The following MADCAM1 variants were observed in gnomAD, a reference collection of about 807,000 sequenced individuals.
MADCAM1 encodes mucosal vascular addressin cell adhesion molecule 1, also known as mucosal addressin cell adhesion molecule 1.
In MADCAM1, 19 loss-of-function variants were observed where a neutral mutation model predicts 26.1. That is an observed-to-expected ratio of 0.73 (90% CI 0.51 to 1.07). The LOEUF (loss-of-function observed/expected upper bound fraction) is 1.07, where lower values mean the gene tolerates loss of function less well. MADCAM1 is among the 50% of genes least tolerant of loss of function. MADCAM1 has a pLI of 0.00. For missense variants in MADCAM1, 514 were observed against 542.1 expected, an observed-to-expected ratio of 0.95 and a Z score of 0.51; for synonymous variants, 268 against 260.9, an observed-to-expected ratio of 1.03 and a Z score of -0.26.
chr19:498,892 T>TGGGGGGGG, intron 3 of MADCAM1, 67 bp downstream of exon 3: 1 of 62,436 alleles, frequency 1.6e-5, no homozygotes, highest in South Asian at 8.2e-5. Flanking sequence ...CGGGACGGGG[T>TGGGGGGGG]GGGGGGGTGG....
rs987963405 is a variant in MADCAM1, at chr19:497,905, C to G, written c.125C>G (p.Ser42Trp). Residue 42 changes from serine to tryptophan, a missense_variant, in exon 2 of 5, where the codon TCG becomes TGG. By Grantham distance (177) the Ser-to-Trp change is radical. Coordinates refer to ENST00000215637, the MANE Select transcript of MADCAM1 (RefSeq NM_130760.3). ...EPVVAVALGASRQLTCRLACA... is the reference protein window; with the variant it reads ...EPVVAVALGAWRQLTCRLACA... The stretch of plus-strand genomic sequence containing the variant: ...GTGGTGGCCGTGGCCTTGGGCGCCT[C>G]GCGCCAGCTCACCTGCCGCCTGGCC... 1.5e-6 allele frequency: 2 copies of G among 1,371,468 alleles called. No individual in the cohort carries two copies. The highest frequency in any genetic ancestry group is 1.9e-6 in the Non-Finnish European group (2 of 1,069,972). The allele number at this position is 1,371,468 out of a possible 1,614,324, so 85.0% of individuals were successfully genotyped here. A position where few individuals can be genotyped will look rare whatever the true frequency, so the allele number is the denominator to read the frequency against.
intron 4 of MADCAM1, among the ~76,000 whole-genome samples, chr19:503,315 CT>C (rs1420301839): frequency 4.1e-5 from 6 of 144,672 alleles, no homozygotes; most frequent in East Asian, 4.3e-4. Context: ...GGCACGGTGG[CT>C]TATGCCTGTA....
Position 498,534 on chromosome 19 carries a change from G to A in MADCAM1, c.376G>A (p.Val126Met). The A allele has an allele frequency of 6.8e-7, 1 of 1,469,792 alleles. No homozygotes were observed. Among genetic ancestry groups the A allele is most frequent in the Non-Finnish European group, 9.0e-7 (1 of 1,115,742 alleles). 91.0% of individuals were successfully genotyped at this position (1,469,792 alleles called of 1,614,324 possible). A position where few individuals can be genotyped will look rare whatever the true frequency, so the allele number is the denominator to read the frequency against. ...DQLTVSPAAL[V>M]PGDPEVACTA... ...GCTGACCGTCTCCCCAGCAGCCCTG[G>A]TGCCTGGTGACCCGGAGGTGGCCTG... The change falls in exon 3 of 5, where the codon GTG becomes ATG. Residue 126 changes from valine (V) to methionine (M), a missense_variant. By Grantham distance (21) the Val-to-Met change is conservative. This residue lies in a region of MADCAM1 where 317 missense variants were observed against 313.6 expected (regional missense o/e 1.01). Coordinates refer to ENST00000215637, the MANE Select transcript of MADCAM1 (RefSeq NM_130760.3).
At chr19:499,019 A>G in intron 3 of MADCAM1, 194 bp downstream of exon 3, 1 of 871,270 alleles carries the variant, frequency 1.1e-6, no homozygotes, top group Non-Finnish European at 1.8e-6. Context: ...CACAGGTCCC[A>G]CCCCTCCCCT....
chr19:500,091 G>GA, intron 3 of MADCAM1: 1 of 456,104 alleles, frequency 2.2e-6, no homozygotes, highest in Non-Finnish European at 4.4e-6. Flanking sequence ...CAGTCCCACA[G>GA]GGGATGGAGC....
intron 3 of MADCAM1, 78 bp from the exon 4 acceptor site, chr19:501,591 T>A: frequency 7.2e-7 from 1 of 1,385,552 alleles, no homozygotes; most frequent in Non-Finnish European, 9.6e-7. Flanking sequence ...AAGCCCTTCA[T>A]CCAGATGCGG....
intron 4 of MADCAM1, among the ~76,000 whole-genome samples, chr19:503,522 A>G (rs556802339): frequency 1.3e-5 from 2 of 148,948 alleles, no homozygotes; most frequent in East Asian, 2.0e-4. Flanking sequence ...CGGAGCCTGC[A>G]GTGAGCCGAG....
chr19:501,701 G>GGAGCCTCCC lies in MADCAM1; in HGVS notation c.700_701insGAGCCTCCC (p.Asp234delinsGlyAlaSerHis), dbSNP rs768810399. The GGAGCCTCCC allele has an allele frequency of 8.1e-7, 1 of 1,229,496 alleles. No homozygotes were observed. The highest frequency in any genetic ancestry group is 2.6e-5 in the East Asian group (1 of 38,420). The allele number at this position is 1,229,496 out of a possible 1,614,324, so 76.2% of individuals were successfully genotyped here. ...CAGCCCGACCTCCCCGGAGCCTCCC[G>GGAGCCTCCC]ACACCACCTCCCCGGAGTCTCCCGA... On this transcript the variant is annotated protein_altering_variant, in exon 4 of 5. Transcript: ENST00000215637.
At chr19:504,593 G>A (rs532316147) in intron 4 of MADCAM1, 152 bp from the exon 5 acceptor site, 14 of 614,432 alleles carry the variant, frequency 2.3e-5, no homozygotes, top group African/African-American at 3.7e-5. Context: ...GGTGCTATGC[G>A]CATTTCAAAA....
At position 497,944 on chromosome 19, in the gene MADCAM1, G is replaced by A; in HGVS notation, c.164G>A (p.Gly55Glu). 1.4e-6 allele frequency: 2 copies of A among 1,432,418 alleles called. No individual in the cohort carries two copies. The highest frequency in any genetic ancestry group is 1.8e-6 in the Non-Finnish European group (2 of 1,099,414). The allele number at this position is 1,432,418 out of a possible 1,614,324, so 88.7% of individuals were successfully genotyped here. A position where few individuals can be genotyped will look rare whatever the true frequency, so the allele number is the denominator to read the frequency against. The change falls in exon 2 of 5, where the codon GGG becomes GAG. Residue 55 changes from glycine (G) to glutamate (E), a missense_variant. Gly to Glu is a moderately conservative substitution (Grantham distance 98). Transcript: ENST00000215637. ...TGCCGCCTGGCCTGCGCGGACCGCG[G>A]GGCCTCGGTGCAGTGGCGGGGCCTG... ...LTCRLACADR[G>E]ASVQWRGLDT...
rs1455328121 is a variant in MADCAM1 at position 498,685 on chromosome 19, AG to A, written c.532del (p.Asp178ThrfsTer8). The A allele has an allele frequency of 1.4e-6, 2 of 1,447,708 alleles. No individual in the cohort carries two copies. The highest frequency in any genetic ancestry group is 9.1e-7 in the Non-Finnish European group (1 of 1,104,294). 89.7% of individuals were successfully genotyped at this position (1,447,708 alleles called of 1,614,324 possible). A position where few individuals can be genotyped will look rare whatever the true frequency, so the allele number is the denominator to read the frequency against. ...GTGCAGGAGGAGGAGGAGGAGCCCC[AG>A]GGGGACGAGGACGTGCTGTTCAGGG... The part of the protein sequence containing the change: ...PEVQEEEEEP[Q>X]GDEDVLFRVT... On this transcript the variant is annotated frameshift_variant, in exon 3 of 5. Coordinates refer to ENST00000215637, the MANE Select transcript of MADCAM1 (RefSeq NM_130760.3). LOFTEE classifies it high-confidence loss of function.
At chr19:501,554 G>A in intron 3 of MADCAM1, 115 bp from the exon 4 acceptor site, 1 of 973,648 alleles carries the variant, frequency 1.0e-6, no homozygotes, top group Non-Finnish European at 1.4e-6. Flanking sequence ...AGTGGTCCAG[G>A]GAAGGGGCTT....
At chr19:503,869 G>A (rs967911542) in intron 4 of MADCAM1, among the ~76,000 whole-genome samples, 5 of 152,176 alleles carry the variant, frequency 3.3e-5, no homozygotes, top group African/African-American at 1.2e-4. Context: ...CCAACATGGT[G>A]AAACCTCATC....
intron 4 of MADCAM1, among the ~76,000 whole-genome samples, chr19:503,235 C>G (rs913349747): frequency 6.6e-6 from 1 of 151,892 alleles, no homozygotes; most frequent in East Asian, 1.9e-4. Context: ...TGCAGTGAGC[C>G]GAGATCGCGC....
Position 505,276 on chromosome 19 carries a change from C to T in MADCAM1, c.*311C>T, listed in dbSNP as rs940030890. 6 of 308,660 alleles carry T rather than the reference C, an allele frequency of 1.9e-5. No homozygotes were observed. The highest frequency in any genetic ancestry group is 3.0e-5 in the Non-Finnish European group (5 of 167,346). 19.1% of individuals were successfully genotyped at this position (308,660 alleles called of 1,614,324 possible). A position where few individuals can be genotyped will look rare whatever the true frequency, so the allele number is the denominator to read the frequency against. ...AAAATGCGTAAGACCAAGCTGTGCC[C>T]TGACCACCCTGGGCCCCTGTCGTCA... On this transcript the variant is annotated 3_prime_UTR_variant, in exon 5 of 5. Transcript: ENST00000215637.
intron 4 of MADCAM1, among the ~76,000 whole-genome samples, chr19:503,924 T>C (rs1978484685): frequency 2.6e-5 from 4 of 151,918 alleles, no homozygotes; most frequent in African/African-American, 7.2e-5. Flanking sequence ...GGCATGTGCC[T>C]GTAATCCCAG....
intron 3 of MADCAM1, 129 bp from the exon 4 acceptor site, chr19:501,540 C>G (rs748498496): frequency 2.9e-4 from 153 of 523,118 alleles, no homozygotes; most frequent in Non-Finnish European, 3.6e-4. Context: ...ATGTGACTCA[C>G]CAGAGTGGTC....
Position 498,726 on chromosome 19 carries a change from C to T in MADCAM1, c.568C>T (p.Arg190Trp). The T allele has an allele frequency of 6.9e-7, 1 of 1,456,934 alleles. No individual in the cohort carries two copies. Among genetic ancestry groups the T allele is most frequent in the African/African-American group, 1.4e-5 (1 of 69,732 alleles). 90.3% of individuals were successfully genotyped at this position (1,456,934 alleles called of 1,614,324 possible). A position where few individuals can be genotyped will look rare whatever the true frequency, so the allele number is the denominator to read the frequency against. ...GCTGTTCAGGGTGACAGAGCGCTGGCGGCTGCCGCCCCTGGGGACCCCTGT... is the reference window on the plus strand; with the variant it reads ...GCTGTTCAGGGTGACAGAGCGCTGGTGGCTGCCGCCCCTGGGGACCCCTGT... ...DVLFRVTERW[R>W]LPPLGTPVPP... is the part of the protein sequence containing the mutation. Residue 190 changes from arginine (R) to tryptophan (W), a missense_variant, in exon 3 of 5, where the codon CGG (arginine) becomes TGG (tryptophan). Transcript: ENST00000215637.
chr19:497,939 C>T lies in MADCAM1; in HGVS notation c.159C>T (p.Asp53=). The T allele has an allele frequency of 7.0e-7, 1 of 1,428,538 alleles. No homozygotes were observed. Among genetic ancestry groups the T allele is most frequent in the Non-Finnish European group, 9.1e-7 (1 of 1,097,636 alleles). 88.5% of individuals were successfully genotyped at this position (1,428,538 alleles called of 1,614,324 possible). The part of the protein sequence containing the change: ...RQLTCRLACA[D]RGASVQWRGL... ...TCACCTGCCGCCTGGCCTGCGCGGA[C>T]CGCGGGGCCTCGGTGCAGTGGCGGG... The change falls in exon 2 of 5, where the codon GAC becomes GAT. Residue 53 remains aspartate, a synonymous_variant. Transcript: ENST00000215637.
Sources: gnomAD v4.1 joint callset for allele counts (sites outside exome capture counted in the v4.1 genomes callset) on GRCh38, gnomAD v4.1.1 for gene constraint, gnomAD v4.1.1 regional missense constraint, MANE v1.5 for transcripts, NCBI Gene and HGNC (gene_info 2026-07-23, HGNC 2026-07-21) for gene names.